The following POLDIP2 variants were observed in gnomAD, a reference collection of about 807,000 sequenced individuals.
POLDIP2 encodes the protein polymerase delta-interacting protein 2.
A neutral mutation model predicts 52.9 loss-of-function variants in POLDIP2; 32 were observed. That is an observed-to-expected ratio of 0.61 (90% CI 0.46 to 0.81). The LOEUF is 0.81. Among genes scored for constraint, POLDIP2 ranks in the 40% least tolerant of loss-of-function variants. The pLI is 0.00. For synonymous variants in POLDIP2, 183 were observed against 183.0 expected, an observed-to-expected ratio of 1.00 and a Z score of 0.00; for missense variants, 371 against 477.3, an observed-to-expected ratio of 0.78 and a Z score of 2.07.
intron 6 of POLDIP2, 34 bp from the exon 7 acceptor site, chr17:28,351,834 G>C (rs1555580028): frequency 1.3e-6 from 2 of 1,590,938 alleles, no homozygotes; most frequent in African/African-American, 2.7e-5. Context: ...GTCCAATTGT[G>C]TGTTGTGGAT....
rs1907641697 is a variant in POLDIP2, at chr17:28,347,864, AAC to A, written c.*251_*252del. ...AACTCCTCCAGGCCTGTGGCAGCTG[AAC>A]ACAGTTCCTTGGTGGAGAGGTTTAC... is the stretch of plus-strand genomic sequence containing the variant. On this transcript the variant is annotated 3_prime_UTR_variant, in exon 11 of 11. Coordinates refer to ENST00000540200, the MANE Select transcript of POLDIP2 (RefSeq NM_015584.5). 1 of 467,512 alleles carries A rather than the reference AAC, an allele frequency of 2.1e-6. No homozygotes were observed. Among genetic ancestry groups the A allele is most frequent in the Non-Finnish European group, 3.8e-6 (1 of 260,470 alleles). 29.0% of individuals were successfully genotyped at this position (467,512 alleles called of 1,614,324 possible).
rs1907578579 is a variant in POLDIP2, at chr17:28,346,639, T to TTAATCATGATTAAAGAC, written c.*1477_*1478insGTCTTTAATCATGATTA. On this transcript the variant is annotated 3_prime_UTR_variant, in exon 11 of 11. Transcript: ENST00000540200. ...AACATTGAACTCACTGACATGATCT[T>TTAATCATGATTAAAGAC]AGCTTCTTTAATCAGACTTTGTGAC... 2 of 152,246 alleles carry TTAATCATGATTAAAGAC rather than the reference T, an allele frequency of 1.3e-5. No individual in the cohort carries two copies. Among genetic ancestry groups the TTAATCATGATTAAAGAC allele is most frequent in the Non-Finnish European group, 2.9e-5 (2 of 68,032 alleles). 9.4% of individuals were successfully genotyped at this position (152,246 alleles called of 1,614,324 possible).
At chr17:28,357,244 G>A (rs1475862771) in intron 1 of POLDIP2, 44 bp downstream of exon 1, 5 of 1,414,344 alleles carry the variant, frequency 3.5e-6, no homozygotes, top group Non-Finnish European at 3.6e-6. Flanking sequence ...ACGCTCTCTG[G>A]GCTCCAGGCC....
Position 28,350,787 on chromosome 17 carries a change from G to T in POLDIP2, c.765C>A (p.Ala255=). ...TCACCCAGTACACGTGGGAATTCTGGGCTTCCTAGGGAGAAAACAAAAAGA... is the reference window on the plus strand; with the variant it reads ...TCACCCAGTACACGTGGGAATTCTGTGCTTCCTAGGGAGAAAACAAAAAGA... ...VIPFYMGMRE[A]QNSHVYWWRY... The change falls in exon 8 of 11, where the codon GCC becomes GCA. Residue 255 remains alanine, a synonymous_variant. Transcript: ENST00000540200. The T allele has an allele frequency of 6.3e-7, 1 of 1,588,766 alleles. No individual in the cohort carries two copies. The highest frequency in any genetic ancestry group is 2.3e-5 in the East Asian group (1 of 43,554).
In POLDIP2 at chr17:28,346,898, AGGTCCT is replaced by A. The variant is rs1291043247; in HGVS notation, c.*1213_*1218del. The A allele has an allele frequency of 6.6e-6, 1 of 152,250 alleles. No individual in the cohort carries two copies. Among genetic ancestry groups the A allele is most frequent in the African/African-American group, 2.4e-5 (1 of 41,478 alleles). 9.4% of individuals were successfully genotyped at this position (152,250 alleles called of 1,614,324 possible). ...CCAAGGTCGGCCTAAAGGATGGCGCAGGTCCTGGGCAGGAAAGAATTTTTCCTTTAT... is the reference window on the plus strand; with the variant it reads ...CCAAGGTCGGCCTAAAGGATGGCGCAGGGCAGGAAAGAATTTTTCCTTTAT... On this transcript the variant is annotated 3_prime_UTR_variant, in exon 11 of 11. Coordinates refer to ENST00000540200, the MANE Select transcript of POLDIP2 (RefSeq NM_015584.5).
intron 4 of POLDIP2, among the ~76,000 whole-genome samples, 175 bp downstream of exon 4, chr17:28,353,520 C>CCAAAAAAAAAAAAAAAAAA (rs1907896470): frequency 1.8e-5 from 1 of 54,814 alleles, no homozygotes; most frequent in Non-Finnish European, 3.0e-5. Context: ...GACTCCATAT[C>CCAAAAAAAAAAAAAAAAAA]AAAAAAAAAA....
At position 28,347,726 on chromosome 17, in the gene POLDIP2, G is replaced by A. The variant is rs3093713; in HGVS notation, c.*391C>T. On this transcript the variant is annotated 3_prime_UTR_variant, in exon 11 of 11. Transcript: ENST00000540200. Reference sequence around the variant, plus strand: ...CCCTGGAAGGGCAGCAAAGAAAGCAGTCAAGGGCGCACACTGGGTCAGAAG... The same window carrying A: ...CCCTGGAAGGGCAGCAAAGAAAGCAATCAAGGGCGCACACTGGGTCAGAAG... 3.6e-3 allele frequency: 609 copies of A among 169,578 alleles called. 4 individuals are homozygous for A. Among genetic ancestry groups the A allele is most frequent in the African/African-American group, 0.014 (569 of 41,890 alleles). 10.5% of individuals were successfully genotyped at this position (169,578 alleles called of 1,614,324 possible).
At chr17:28,352,128 G>T (rs951758673) in intron 6 of POLDIP2, among the ~76,000 whole-genome samples, 15 of 151,338 alleles carry the variant, frequency 9.9e-5, no homozygotes, top group Admixed American at 8.6e-4. Flanking sequence ...TTCCATATCT[G>T]TAAGGAAATA....
At chr17:28,354,405 G>A (rs1597801852) in intron 3 of POLDIP2, 83 bp downstream of exon 3, 1 of 962,276 alleles carries the variant, frequency 1.0e-6, no homozygotes, top group East Asian at 2.6e-5. Context: ...GGAGGACGCT[G>A]TCTTCACCCC....
rs782112663 is a variant in POLDIP2, at chr17:28,354,473, C to G, written c.341+15G>C. 5.2e-6 allele frequency: 8 copies of G among 1,535,436 alleles called. No individual in the cohort carries two copies. The South Asian group carries it at 6.0e-5, about 11-fold the overall frequency. On this transcript the variant is annotated intron_variant, in intron 3 of 10. Coordinates refer to ENST00000540200, the MANE Select transcript of POLDIP2 (RefSeq NM_015584.5). ...TCCTGAGGATACTGTGAGGCACAAC[C>G]ACAGGGAAACTTACTTTTCTGGAGC...
rs781900290 is a variant in POLDIP2, at chr17:28,350,501, G to T, written c.849C>A (p.His283Gln). ...DSDVVQLRER[H>Q]WRIFSLSGTL... ...TGCCAGAGAGACTGAATATCCTCCA[G>T]TGCCGCTCCCGGAGCTGTACCACAT... Residue 283 changes from histidine (H) to glutamine (Q), a missense_variant, in exon 9 of 11, where the codon CAC (histidine) becomes CAA (glutamine). Physicochemically the swap from His to Gln is conservative, Grantham distance 24. Coordinates refer to ENST00000540200, the MANE Select transcript of POLDIP2 (RefSeq NM_015584.5). The T allele has an allele frequency of 1.2e-6, 2 of 1,613,442 alleles. No individual in the cohort carries two copies. The highest frequency in any genetic ancestry group is 1.7e-6 in the Non-Finnish European group (2 of 1,179,628).
intron 2 of POLDIP2, among the ~76,000 whole-genome samples, chr17:28,355,572 A>AAC: frequency 6.6e-6 from 1 of 152,136 alleles, no homozygotes; most frequent in South Asian, 2.1e-4. Context: ...ATGCCATTGC[A>AAC]CTCCAGCCTG....
rs1023335972 is a variant in POLDIP2 at position 28,351,812 on chromosome 17, T to C, written c.623-12A>G. 9 of 1,612,220 alleles carry C rather than the reference T, an allele frequency of 5.6e-6. No individual in the cohort carries two copies. The highest frequency in any genetic ancestry group is 7.6e-6 in the Non-Finnish European group (9 of 1,178,472). On this transcript the variant is annotated splice_polypyrimidine_tract_variant and intron_variant, in intron 6 of 10. Transcript: ENST00000540200. ...CACAAAAGGAGGTGCTGGGGCAAGA[T>C]ACAATTGGTTAGTCCAATTGTGTGT...
chr17:28,349,007 TA>T, intron 10 of POLDIP2, 75 bp downstream of exon 10: 1 of 1,015,274 alleles, frequency 9.8e-7, no homozygotes, highest in Non-Finnish European at 1.5e-6. Context: ...TGGCAAGCTC[TA>T]AGCTCTCACT....
intron 1 of POLDIP2, among the ~76,000 whole-genome samples, chr17:28,356,388 G>C (rs1555580932): frequency 6.6e-6 from 1 of 152,022 alleles, no homozygotes; most frequent in Admixed American, 6.6e-5. Context: ...CTGATTAGCT[G>C]GTACTGCCCC....
intron 9 of POLDIP2, among the ~76,000 whole-genome samples, chr17:28,349,808 G>GA (rs1428295503): frequency 6.6e-6 from 1 of 152,176 alleles, no homozygotes; most frequent in African/African-American, 2.4e-5. Context: ...ATAACTTGCC[G>GA]AAAGTTATGC....
rs1417067422 is a variant in POLDIP2, at chr17:28,347,053, G to C, written c.*1064C>G. On this transcript the variant is annotated 3_prime_UTR_variant, in exon 11 of 11. Transcript: ENST00000540200. ...ACAGTGAGCAGGCCTTGACCAGCTTGCGGCCATGGGCTGAGTTCCTGTGCT... is the reference window on the plus strand; with the variant it reads ...ACAGTGAGCAGGCCTTGACCAGCTTCCGGCCATGGGCTGAGTTCCTGTGCT... 1.3e-5 allele frequency: 2 copies of C among 152,216 alleles called. No individual in the cohort carries two copies. The highest frequency in any genetic ancestry group is 4.8e-5 in the African/African-American group (2 of 41,432). 9.4% of individuals were successfully genotyped at this position (152,216 alleles called of 1,614,324 possible). A position where few individuals can be genotyped will look rare whatever the true frequency, so the allele number is the denominator to read the frequency against.
rs1194471657 is a variant in POLDIP2 at position 28,354,733 on chromosome 17, G to A, written c.244-148C>T. On this transcript the variant is annotated intron_variant, in intron 2 of 10. Coordinates refer to ENST00000540200, the MANE Select transcript of POLDIP2 (RefSeq NM_015584.5). Reference sequence around the variant, plus strand: ...GAAGTCTGTGATCAACCAGACCAATGCTGGAACACTCTTATTTCTTCTTTA... The same window carrying A: ...GAAGTCTGTGATCAACCAGACCAATACTGGAACACTCTTATTTCTTCTTTA... 6.2e-6 allele frequency: 4 copies of A among 644,870 alleles called. No homozygotes were observed. The East Asian group carries it at 1.1e-4, about 18-fold the overall frequency. 39.9% of individuals were successfully genotyped at this position (644,870 alleles called of 1,614,324 possible). A position where few individuals can be genotyped will look rare whatever the true frequency, so the allele number is the denominator to read the frequency against.
chr17:28,350,887 G>A lies in POLDIP2; in HGVS notation c.760-95C>T, dbSNP rs1597799766. ...CAGTGCAGTTGATGTATTCCAGGAA[G>A]GTTGCAGACAGACCAAGCTGAGAGT... is the stretch of plus-strand genomic sequence containing the variant. On this transcript the variant is annotated intron_variant, in intron 7 of 10. Coordinates refer to ENST00000540200, the MANE Select transcript of POLDIP2 (RefSeq NM_015584.5). 7.6e-6 allele frequency: 8 copies of A among 1,054,826 alleles called. No individual in the cohort carries two copies. In the South Asian group the frequency reaches 1.1e-4, roughly 14 times the overall value. 65.3% of individuals were successfully genotyped at this position (1,054,826 alleles called of 1,614,324 possible).
Sources: gnomAD v4.1 joint callset for allele counts (sites outside exome capture counted in the v4.1 genomes callset) on GRCh38, gnomAD v4.1.1 for gene constraint, MANE v1.5 for transcripts, NCBI Gene and HGNC (gene_info 2026-07-23, HGNC 2026-07-21) for gene names.